HHLA2: variants seen among roughly 807,000 people sequenced by gnomAD.
The protein encoded by HHLA2 is HERV-H LTR-associating protein 2.
HHLA2 carries 48 observed loss-of-function variants against 45.9 expected under a neutral mutation model. The ratio of observed to expected loss-of-function variants is 1.05; its 90% CI spans 0.83 to 1.33. The LOEUF (loss-of-function observed/expected upper bound fraction) is 1.33, where lower values mean the gene tolerates loss of function less well. Among genes scored for constraint, HHLA2 ranks in the 40% most tolerant of loss-of-function variants. The pLI, the probability that HHLA2 is intolerant of heterozygous loss-of-function variation, is 0.00. For missense variants in HHLA2, 462 were observed against 494.3 expected, an observed-to-expected ratio of 0.93 and a Z score of 0.62; for synonymous variants, 161 against 173.9, an observed-to-expected ratio of 0.93 and a Z score of 0.59.
intron 3 of HHLA2, among the ~76,000 whole-genome samples, chr3:108,334,060 A>G (rs1249774960): frequency 6.6e-6 from 1 of 152,192 alleles, no homozygotes; most frequent in Non-Finnish European, 1.5e-5. Context: ...TTCATAGGCC[A>G]AGACTGTGAA....
intron 2 of HHLA2, among the ~76,000 whole-genome samples, chr3:108,317,219 C>A (rs1035368816): frequency 1.3e-5 from 2 of 152,158 alleles, no homozygotes; most frequent in Non-Finnish European, 2.9e-5. Context: ...CCAGCTTAAT[C>A]CAAGGGTAGA....
intron 3 of HHLA2, among the ~76,000 whole-genome samples, chr3:108,337,574 T>A (rs1329634786): frequency 6.6e-6 from 1 of 152,180 alleles, no homozygotes; most frequent in African/African-American, 2.4e-5. Flanking sequence ...GCAGCTTATA[T>A]CTTGATGTCC....
intron 2 of HHLA2, among the ~76,000 whole-genome samples, chr3:108,316,141 G>A (rs536288565): frequency 5.3e-5 from 8 of 151,582 alleles, no homozygotes; most frequent in East Asian, 3.9e-4. Flanking sequence ...TATTCCAGCC[G>A]GAAAAGTCAA....
intron 1 of HHLA2, among the ~76,000 whole-genome samples, chr3:108,310,236 A>G (rs1246877854): frequency 1.3e-5 from 2 of 152,194 alleles, no homozygotes; most frequent in Non-Finnish European, 2.9e-5. Context: ...AAAAGATGTT[A>G]TATTAGTCCC....
chr3:108,361,501 T>A (rs1391313219), intron 7 of HHLA2, among the ~76,000 whole-genome samples: 1 of 152,128 alleles, frequency 6.6e-6, no homozygotes, highest in African/African-American at 2.4e-5. Flanking sequence ...ATGCTGGCAG[T>A]TCAGATACAC....
intron 1 of HHLA2, among the ~76,000 whole-genome samples, chr3:108,298,229 T>C (rs1265788938): frequency 6.6e-6 from 1 of 152,186 alleles, no homozygotes; most frequent in Non-Finnish European, 1.5e-5. Context: ...TGAGACTAGC[T>C]ATTAGGTATT....
chr3:108,361,357 C>T (rs1305565117), intron 7 of HHLA2, among the ~76,000 whole-genome samples: 1 of 152,138 alleles, frequency 6.6e-6, no homozygotes, highest in Admixed American at 6.5e-5. Flanking sequence ...TCCCTTTGTC[C>T]AGCATATCAC....
chr3:108,299,921 G>A (rs2080822890), intron 1 of HHLA2, among the ~76,000 whole-genome samples: 1 of 152,154 alleles, frequency 6.6e-6, no homozygotes, highest in South Asian at 2.1e-4. Context: ...AGCACAGTTG[G>A]ATGACGAGAG....
intron 2 of HHLA2, among the ~76,000 whole-genome samples, chr3:108,321,510 T>C (rs1019228132): frequency 2.0e-5 from 3 of 152,184 alleles, no homozygotes; most frequent in African/African-American, 4.8e-5. Context: ...TGGCAAGTCA[T>C]GCTGTTGCAA....
chr3:108,297,359 A>G lies in HHLA2; in HGVS notation c.-192+760A>G, dbSNP rs530344144. The stretch of plus-strand genomic sequence containing the variant: ...GTCCAGAATGGCAAATTGGTGTCAT[A>G]TCCCATTATAAGCATATTTTAATCA... On this transcript the variant is annotated intron_variant, in intron 1 of 10. Coordinates refer to ENST00000619531, the Ensembl canonical transcript of HHLA2. Among the ~76,000 whole-genome samples, 4 of 152,338 alleles carry G rather than the reference A, an allele frequency of 2.6e-5. No individual in the cohort carries two copies. The East Asian group carries it at 5.8e-4, about 22-fold the overall frequency.
At chr3:108,371,118 C>T (rs917716743) in intron 8 of HHLA2, among the ~76,000 whole-genome samples, 1 of 152,212 alleles carries the variant, frequency 6.6e-6, no homozygotes, top group Non-Finnish European at 1.5e-5. Flanking sequence ...ATCAGACTAA[C>T]AGCTGATCTC....
intron 2 of HHLA2, among the ~76,000 whole-genome samples, chr3:108,323,962 T>C (rs1183444440): frequency 6.6e-6 from 1 of 152,188 alleles, no homozygotes; most frequent in African/African-American, 2.4e-5. Flanking sequence ...ATTCAACCCA[T>C]CTTTTGAACA....
intron 3 of HHLA2, among the ~76,000 whole-genome samples, chr3:108,338,192 A>T (rs1033718007): frequency 6.6e-6 from 1 of 151,208 alleles, no homozygotes; most frequent in South Asian, 2.1e-4. Context: ...TGATATCTAT[A>T]TATCAAAGAT....
intron 8 of HHLA2, among the ~76,000 whole-genome samples, chr3:108,371,274 G>A (rs1008415558): frequency 3.3e-5 from 5 of 152,158 alleles, no homozygotes; most frequent in African/African-American, 9.7e-5. Flanking sequence ...ACAAGCAAAT[G>A]CTGAGAGATT....
intron 1 of HHLA2, among the ~76,000 whole-genome samples, chr3:108,297,656 T>C (rs996448135): frequency 6.6e-6 from 1 of 152,212 alleles, no homozygotes; most frequent in African/African-American, 2.4e-5. Context: ...TATAATCATA[T>C]TGAGTAGCCT....
chr3:108,306,719 T>A (rs1358548749), intron 1 of HHLA2, among the ~76,000 whole-genome samples: 1 of 152,220 alleles, frequency 6.6e-6, no homozygotes, highest in Non-Finnish European at 1.5e-5. Context: ...TACTACATTT[T>A]CTCACTTCAT....
At chr3:108,306,845 C>G (rs2080938528) in intron 1 of HHLA2, among the ~76,000 whole-genome samples, 1 of 150,914 alleles carries the variant, frequency 6.6e-6, no homozygotes, top group Non-Finnish European at 1.5e-5. Flanking sequence ...TTATATTTTC[C>G]TGCTACTTTT....
At chr3:108,324,368 G>A (rs929194603) in intron 2 of HHLA2, among the ~76,000 whole-genome samples, 2 of 152,138 alleles carry the variant, frequency 1.3e-5, no homozygotes, top group South Asian at 2.1e-4. Flanking sequence ...CATTTCTGAA[G>A]ATTTGACTGT....
At chr3:108,368,305 G>T (rs1489529608) in intron 8 of HHLA2, among the ~76,000 whole-genome samples, 1 of 151,810 alleles carries the variant, frequency 6.6e-6, no homozygotes, top group Admixed American at 6.6e-5. Flanking sequence ...CTCAACTAAT[G>T]TGCAAAATAA....
Sources: allele counts gnomAD v4.1 joint callset (sites outside exome capture counted in the v4.1 genomes callset), GRCh38; gene constraint gnomAD v4.1.1; transcripts MANE v1.5; gene names NCBI Gene and HGNC (gene_info 2026-07-23, HGNC 2026-07-21).